Variants in HAP1 observed in about 807,000 individuals in gnomAD.
HAP1 encodes the protein huntingtin-associated protein 1.
HAP1 carries 59 observed loss-of-function variants against 60.3 expected under a neutral mutation model. That is an observed-to-expected ratio of 0.98 (90% CI 0.79 to 1.22). HAP1 has a LOEUF of 1.22. Ranked by LOEUF, HAP1 falls within the 50% of genes most tolerant of loss-of-function variation. HAP1 has a pLI of 0.00. For missense variants in HAP1, 825 were observed against 785.3 expected (o/e 1.05, Z -0.60); for synonymous variants, 346 against 330.6 (o/e 1.05, Z -0.50).
chr17:41,726,217 AGCCTG>A lies in HAP1; in HGVS notation c.1368-325_1368-321del, dbSNP rs1193053230. 7.2e-5 allele frequency among the ~76,000 whole-genome samples: 11 copies of A among 152,278 alleles called. No homozygotes were observed. In the East Asian group the frequency reaches 2.1e-3, roughly 29 times the overall value. On this transcript the variant is annotated intron_variant, in intron 9 of 10. Transcript: ENST00000347901. ...ATCACAAGGTCAGGAGTTCAAGACT[AGCCTG>A]GCCAACATCTCTACTGGCCCATCTC...
chr17:41,719,982 C>T (rs1269445129), downstream of HAP1, among the ~76,000 whole-genome samples: 2 of 150,982 alleles, frequency 1.3e-5, no homozygotes, highest in African/African-American at 2.4e-5. Context: ...CTCTGCCTCC[C>T]GGGTTCATGC....
At position 41,732,005 on chromosome 17, in the gene HAP1, T is replaced by C. The variant is rs1555591165; in HGVS notation, c.828A>G (p.Glu276=). ...EEEEEEEKEA[E]EEQEEEEAEE... is the part of the protein sequence containing the mutation. ...CTGCTTCTTCTTCTTCCTGTTCCTC[T>C]TCTGCCTCCTTTTCTTCCTCCTCCT... is the stretch of plus-strand genomic sequence containing the variant. Residue 276 remains glutamate, a synonymous_variant, in exon 4 of 11, where the codon GAA becomes GAG. Coordinates refer to ENST00000347901, the MANE Select transcript of HAP1 (RefSeq NM_177977.3). 1.5e-6 allele frequency: 2 copies of C among 1,377,914 alleles called. No individual in the cohort carries two copies. The highest frequency in any genetic ancestry group is 2.3e-5 in the South Asian group (2 of 85,530). The allele number at this position is 1,377,914 out of a possible 1,614,324, so 85.4% of individuals were successfully genotyped here.
chr17:41,732,583 A>G, intron 2 of HAP1, 136 bp downstream of exon 2: 1 of 967,572 alleles, frequency 1.0e-6, no homozygotes, highest in Non-Finnish European at 1.7e-6. Context: ...AACATCCCAC[A>G]TCGACCTGTC....
intron 7 of HAP1, 28 bp downstream of exon 7, chr17:41,728,173 A>G (rs533640356): frequency 3.1e-6 from 5 of 1,605,554 alleles, no homozygotes; most frequent in Non-Finnish European, 4.2e-6. Flanking sequence ...GGGCCACGAC[A>G]AGAGGGTTCC....
intron 2 of HAP1, 57 bp from the exon 3 acceptor site, chr17:41,732,451 C>G: frequency 2.6e-6 from 4 of 1,563,412 alleles, no homozygotes; most frequent in Non-Finnish European, 3.5e-6. Context: ...CCTTCCCCAT[C>G]CCCTAGTTCT....
Position 41,732,410 on chromosome 17 carries a change from G to T in HAP1, c.550-16C>A, listed in dbSNP as rs1912290733. ...GTGGGAGAAGCTGGGGGGGACACAG[G>T]GGTCAGAGAGAGGCTAGGCCCCTAA... On this transcript the variant is annotated splice_polypyrimidine_tract_variant and intron_variant, in intron 2 of 10. Coordinates refer to ENST00000347901, the MANE Select transcript of HAP1 (RefSeq NM_177977.3). The T allele has an allele frequency of 1.2e-6, 2 of 1,612,968 alleles. No individual in the cohort carries two copies. Among genetic ancestry groups the T allele is most frequent in the Non-Finnish European group, 1.7e-6 (2 of 1,179,536 alleles).
chr17:41,733,190 T>C (rs1912394282), intron 1 of HAP1, among the ~76,000 whole-genome samples: 1 of 151,044 alleles, frequency 6.6e-6, no homozygotes, highest in Non-Finnish European at 1.5e-5. Flanking sequence ...TAGCTGGGGT[T>C]ATACACGCCC....
At chr17:41,729,000 A>G (rs1418196574) in intron 6 of HAP1, among the ~76,000 whole-genome samples, 1 of 151,980 alleles carries the variant, frequency 6.6e-6, no homozygotes, top group Non-Finnish European at 1.5e-5. Context: ...CAGGAGTGCA[A>G]TAGTGCAATC....
chr17:41,725,864 G>A lies in HAP1; in HGVS notation c.1401C>T (p.Ser467=). The change falls in exon 10 of 11, where the codon AGC becomes AGT. Residue 467 remains serine (S), a synonymous_variant. Coordinates refer to ENST00000347901, the MANE Select transcript of HAP1 (RefSeq NM_177977.3). ...NYEMPRGDTS[S]LRYDFRYSED... The stretch of plus-strand genomic sequence containing the variant: ...GGAGCCCCTGGCAGGCTTACCTTAG[G>A]CTGGATGTGTCCCCTCTGGGCATCT... 1 of 1,612,544 alleles carries A rather than the reference G, an allele frequency of 6.2e-7. No homozygotes were observed. Among genetic ancestry groups the A allele is most frequent in the Non-Finnish European group, 8.5e-7 (1 of 1,178,568 alleles).
In HAP1 at chr17:41,724,040, T is replaced by C. The variant is rs1004994892; in HGVS notation, c.*661A>G. On this transcript the variant is annotated 3_prime_UTR_variant, in exon 11 of 11. Transcript: ENST00000347901. ...ATGAGTGTCACAAGGTCATCTTTCATGTCCTGCGGCTCCTTAAAGAGGCAG... is the reference window on the plus strand; with the variant it reads ...ATGAGTGTCACAAGGTCATCTTTCACGTCCTGCGGCTCCTTAAAGAGGCAG... 1.3e-5 allele frequency: 2 copies of C among 152,566 alleles called. No individual in the cohort carries two copies. The highest frequency in any genetic ancestry group is 4.8e-5 in the African/African-American group (2 of 41,464). The allele number at this position is 152,566 out of a possible 1,614,324, so 9.5% of individuals were successfully genotyped here.
chr17:41,721,062 G>A (rs1555586966), downstream of HAP1: 2 of 152,180 alleles, frequency 1.3e-5, no homozygotes, highest in Non-Finnish European at 2.9e-5. Context: ...CCCTCCCAAT[G>A]TGCTGGGATT....
At position 41,734,158 on chromosome 17, in the gene HAP1, C is replaced by T. The variant is rs1555591902; in HGVS notation, c.469+8G>A. The T allele has an allele frequency of 6.4e-7, 1 of 1,568,354 alleles. No individual in the cohort carries two copies. The highest frequency in any genetic ancestry group is 8.7e-7 in the Non-Finnish European group (1 of 1,152,444). Reference sequence around the variant, plus strand: ...CACCCGGTCCAGGACCCCGGGGGCCCGATTTACCTTCCTCCAGCTCCCGAA... The same window carrying T: ...CACCCGGTCCAGGACCCCGGGGGCCTGATTTACCTTCCTCCAGCTCCCGAA... On this transcript the variant is annotated splice_region_variant and intron_variant, in intron 1 of 10. Coordinates refer to ENST00000347901, the MANE Select transcript of HAP1 (RefSeq NM_177977.3).
intron 2 of HAP1, 54 bp from the exon 3 acceptor site, chr17:41,732,448 C>T: frequency 1.3e-6 from 2 of 1,574,392 alleles, no homozygotes; most frequent in Non-Finnish European, 8.7e-7. Flanking sequence ...GAACCTTCCC[C>T]ATCCCCTAGT....
At chr17:41,730,345 A>C (rs1003201284) in intron 6 of HAP1, 1 of 152,090 alleles carries the variant, frequency 6.6e-6, no homozygotes, top group Non-Finnish European at 1.5e-5. Context: ...AGGCTCAAGC[A>C]ATCCTCCCAC....
At chr17:41,733,963 TCA>T in intron 1 of HAP1, among the ~76,000 whole-genome samples, 1 of 152,072 alleles carries the variant, frequency 6.6e-6, no homozygotes, top group East Asian at 1.9e-4. Context: ...AGAACCTGAC[TCA>T]CGGGCACAAA....
Position 41,732,050 on chromosome 17 carries a change from C to T in HAP1, c.783G>A (p.Glu261=). Residue 261 remains glutamate, a synonymous_variant, in exon 4 of 11, where the codon GAG becomes GAA. Coordinates refer to ENST00000347901, the MANE Select transcript of HAP1 (RefSeq NM_177977.3). Reference sequence around the variant, plus strand: ...CCTCCTCTTCTTCATCCTCATCCTCCTCATCAGAATCTGAGTAGAGCTGGA... The same window carrying T: ...CCTCCTCTTCTTCATCCTCATCCTCTTCATCAGAATCTGAGTAGAGCTGGA... ...ELLQLYSDSD[E]EDEDEEEEEE... The T allele has an allele frequency of 6.2e-7, 1 of 1,602,176 alleles. No homozygotes were observed. Among genetic ancestry groups the T allele is most frequent in the Non-Finnish European group, 8.6e-7 (1 of 1,169,212 alleles).
downstream of HAP1, chr17:41,721,463 T>A (rs559278065): frequency 1.1e-4 from 17 of 159,378 alleles, no homozygotes; most frequent in African/African-American, 3.8e-4. Context: ...TCACTGCTTC[T>A]CCTGCTCAGT....
chr17:41,717,961 G>A (rs1413834160), downstream of HAP1: 7 of 468,026 alleles, frequency 1.5e-5, no homozygotes, highest in South Asian at 6.2e-5. Context: ...TGAGCTACCC[G>A]CCACCTGAGG....
chr17:41,729,649 G>C (rs546195729), intron 6 of HAP1, among the ~76,000 whole-genome samples: 147 of 141,812 alleles, frequency 1.0e-3, no homozygotes, highest in Non-Finnish European at 1.6e-3. Context: ...GCCAAGGCGG[G>C]AGGATCACTT....
Sources: gnomAD v4.1 joint callset for allele counts (sites outside exome capture counted in the v4.1 genomes callset) on GRCh38, gnomAD v4.1.1 for gene constraint, MANE v1.5 for transcripts, NCBI Gene and HGNC (gene_info 2026-07-23, HGNC 2026-07-21) for gene names.